The following PHEX variants were observed in gnomAD, a reference collection of about 807,000 sequenced individuals.
PHEX encodes phosphate-regulating neutral endopeptidase PHEX.
In PHEX, 16 loss-of-function variants were observed where a neutral mutation model predicts 68.0. The observed-to-expected ratio is 0.24, with a 90% CI of 0.16 to 0.36. The LOEUF is 0.36. Ranked by LOEUF, PHEX falls within the 10% of genes least tolerant of loss-of-function variation. The probability of loss-of-function intolerance (pLI) is 1.00; values close to 1 mark genes in which losing one functional copy is unlikely to be tolerated. For missense variants in PHEX, 480 were observed against 575.5 expected (o/e 0.83, Z 1.70); for synonymous variants, 208 against 205.1 (o/e 1.01, Z -0.12).
chrX:22,141,583 A>C (rs183307339), intron 12 of PHEX, among the ~76,000 whole-genome samples: 171 of 103,133 alleles, frequency 1.7e-3, no homozygotes, highest in African/African-American at 5.7e-3. Flanking sequence ...AAAAACAAAC[A>C]AAAAAAAAAA....
chrX:22,116,087 G>A (rs754187367), intron 11 of PHEX, among the ~76,000 whole-genome samples: 10 of 111,600 alleles, frequency 9.0e-5, no homozygotes, highest in East Asian at 2.8e-4. Context: ...GTATATGAGC[G>A]TTTCCTTTTT....
chrX:22,230,143 C>G (rs1602415993), intron 20 of PHEX, among the ~76,000 whole-genome samples: 1 of 106,450 alleles, frequency 9.4e-6, no homozygotes, highest in South Asian at 4.3e-4. Flanking sequence ...TTGGATACTG[C>G]AGTCTTGTAG....
At chrX:22,128,309 C>T (rs971039085) in intron 11 of PHEX, among the ~76,000 whole-genome samples, 15 of 109,759 alleles carry the variant, frequency 1.4e-4, no homozygotes, top group Admixed American at 7.0e-4. Context: ...GTGATCCAAC[C>T]GCCTCAGCCT....
chrX:22,058,759 C>T (rs1049506348), intron 3 of PHEX, among the ~76,000 whole-genome samples: 3 of 112,202 alleles, frequency 2.7e-5, no homozygotes, highest in Admixed American at 9.5e-5. Flanking sequence ...TATCCTCTTA[C>T]GCCGCTCTAG....
intron 12 of PHEX, among the ~76,000 whole-genome samples, chrX:22,158,874 A>G (rs891653886): frequency 8.9e-6 from 1 of 112,028 alleles, no homozygotes; most frequent in Non-Finnish European, 1.9e-5. Context: ...TAGGTTTTCA[A>G]TGTTCCTCAT....
At chrX:22,040,069 A>G (rs1927204534) in intron 2 of PHEX, among the ~76,000 whole-genome samples, 1 of 111,738 alleles carries the variant, frequency 8.9e-6, no homozygotes, top group African/African-American at 3.3e-5. Flanking sequence ...ACACACAGCT[A>G]TTAGATTTCC....
intron 5 of PHEX, among the ~76,000 whole-genome samples, chrX:22,079,292 A>T (rs1929286121): frequency 8.9e-6 from 1 of 111,951 alleles, no homozygotes; most frequent in South Asian, 3.7e-4. Flanking sequence ...TATTATTAAA[A>T]TGTGGTACAA....
rs370220610 is a variant in PHEX at position 22,156,867 on chromosome X, C to T, written c.1405-11445C>T. ...GCCACTCTTCTGCCCAGTTTCTTTT[C>T]ATCTTTTTTTTTTTAATTTAATTTT... On this transcript the variant is annotated intron_variant, in intron 12 of 21. Transcript: ENST00000379374. Among the ~76,000 whole-genome samples, 6 of 110,165 alleles carry T rather than the reference C, an allele frequency of 5.4e-5. No homozygotes were observed. In the East Asian group the frequency reaches 1.7e-3, roughly 32 times the overall value.
chrX:22,178,443 A>C (rs1011023892), intron 14 of PHEX, 67 bp downstream of exon 14: 1 of 656,885 alleles, frequency 1.5e-6, no homozygotes, highest in Admixed American at 2.5e-5. Context: ...TCTTTAGATT[A>C]AACTTTGTAA....
rs144910620 is a variant in PHEX at position 22,106,628 on chromosome X, G to C, written c.1080-4839G>C. Reference sequence around the variant, plus strand: ...CTACCAAAAATACAAAAAAAAATGTGCTGAGCACAGTGGCGCATGCCTGTA... The same window carrying C: ...CTACCAAAAATACAAAAAAAAATGTCCTGAGCACAGTGGCGCATGCCTGTA... On this transcript the variant is annotated intron_variant, in intron 9 of 21. Transcript: ENST00000379374. Among the ~76,000 whole-genome samples, 548 of 110,560 alleles carry C rather than the reference G, an allele frequency of 5.0e-3. 5 individuals carry two copies. Among genetic ancestry groups the C allele is most frequent in the African/African-American group, 0.017 (519 of 30,322 alleles).
Position 22,107,585 on chromosome X carries a change from A to T in PHEX, c.1080-3882A>T, listed in dbSNP as rs184930420. ...ATGATCCTGTTCACCATCCTCTCCA[A>T]CATATCAGCCGATTCCACCATTATT... is the stretch of plus-strand genomic sequence containing the variant. On this transcript the variant is annotated intron_variant, in intron 9 of 21. Coordinates refer to ENST00000379374, the MANE Select transcript of PHEX (RefSeq NM_000444.6). 5.3e-3 allele frequency among the ~76,000 whole-genome samples: 594 copies of T among 111,601 alleles called. 4 individuals are homozygous for T. Among genetic ancestry groups the T allele is most frequent in the Non-Finnish European group, 9.0e-3 (478 of 53,092 alleles).
In PHEX at chrX:22,077,717, C is replaced by T. The variant is rs757149988; in HGVS notation, c.663+15C>T. On this transcript the variant is annotated intron_variant, in intron 5 of 21. Coordinates refer to ENST00000379374, the MANE Select transcript of PHEX (RefSeq NM_000444.6). ...ATATCTTGAAGGTATAATGAGGACC[C>T]ATTCATCTTCTTTGCTCAGTCCTAG... is the stretch of plus-strand genomic sequence containing the variant. 7.0e-6 allele frequency: 8 copies of T among 1,138,381 alleles called. No homozygotes were observed. The highest frequency in any genetic ancestry group is 2.2e-5 in the Admixed American group (1 of 45,715). The allele number at this position is 1,138,381 out of a possible 1,213,427, so 93.8% of individuals were successfully genotyped here.
intron 3 of PHEX, among the ~76,000 whole-genome samples, chrX:22,062,223 A>C (rs756856126): frequency 2.5e-4 from 28 of 111,556 alleles, no homozygotes; most frequent in Non-Finnish European, 4.7e-4. Context: ...ATTTGGGTGG[A>C]GACAGAGCCA....
At chrX:22,179,542 A>C (rs2147129358) in intron 14 of PHEX, among the ~76,000 whole-genome samples, 1 of 107,181 alleles carries the variant, frequency 9.3e-6, no homozygotes, top group African/African-American at 3.4e-5. Flanking sequence ...TTGTGTCCTC[A>C]TAGCTTAGCT....
Position 22,221,753 on chromosome X carries a change from A to G in PHEX, c.1899+10A>G. Reference sequence around the variant, plus strand: ...GAAAGCTGGCTTAAATGTGAGTACAACTGTGGCTAAGGGGGGCACCTTGTG... The same window carrying G: ...GAAAGCTGGCTTAAATGTGAGTACAGCTGTGGCTAAGGGGGGCACCTTGTG... On this transcript the variant is annotated intron_variant, in intron 18 of 21. Coordinates refer to ENST00000379374, the MANE Select transcript of PHEX (RefSeq NM_000444.6). 2 of 1,200,372 alleles carry G rather than the reference A, an allele frequency of 1.7e-6. No individual in the cohort carries two copies. The highest frequency in any genetic ancestry group is 2.3e-6 in the Non-Finnish European group (2 of 885,368).
chrX:22,175,992 G>C (rs958453197), intron 13 of PHEX, among the ~76,000 whole-genome samples: 2 of 111,262 alleles, frequency 1.8e-5, no homozygotes, highest in Non-Finnish European at 3.8e-5. Context: ...CATATGATCT[G>C]GGAATGCCTT....
chrX:22,226,530 G>A (rs762962499), intron 19 of PHEX, 22 bp downstream of exon 19: 9 of 1,164,952 alleles, frequency 7.7e-6, no homozygotes, highest in South Asian at 3.6e-5. Context: ...TACATTTACC[G>A]TGGTTCTAAA....
chrX:22,176,214 G>A (rs1014731779), intron 13 of PHEX, among the ~76,000 whole-genome samples: 3 of 109,165 alleles, frequency 2.7e-5, no homozygotes, highest in Admixed American at 9.9e-5. Context: ...TGGCAAGACC[G>A]CATCTCTACT....
At chrX:22,050,102 T>A (rs1169521751) in intron 3 of PHEX, among the ~76,000 whole-genome samples, 1 of 112,413 alleles carries the variant, frequency 8.9e-6, no homozygotes, top group African/African-American at 3.2e-5. Context: ...CAATGGAAAC[T>A]GGATGGCCCA....
Sources: allele counts gnomAD v4.1 joint callset (sites outside exome capture counted in the v4.1 genomes callset), GRCh38; gene constraint gnomAD v4.1.1; transcripts MANE v1.5; gene names NCBI Gene and HGNC (gene_info 2026-07-23, HGNC 2026-07-21).